OR2M4: variants seen among roughly 807,000 people sequenced by gnomAD.
OR2M4 encodes the protein olfactory receptor family 2 subfamily M member 4.
OR2M4 carries 8 observed loss-of-function variants against 13.7 expected under a neutral mutation model. The ratio of observed to expected loss-of-function variants is 0.58; its 90% CI spans 0.34 to 1.05. The LOEUF is 1.05. Ranked by LOEUF, OR2M4 falls within the 50% of genes least tolerant of loss-of-function variation. The probability of loss-of-function intolerance (pLI) is 0.02; values close to 1 mark genes in which losing one functional copy is unlikely to be tolerated. For missense variants in OR2M4, 374 were observed against 381.6 expected (o/e 0.98, Z 0.17); for synonymous variants, 152 against 141.3 (o/e 1.08, Z -0.53).
At chr1:248,236,850 T>G (rs886454652) in intron 1 of OR2M4, among the ~76,000 whole-genome samples, 1 of 152,060 alleles carries the variant, frequency 6.6e-6, no homozygotes, top group Admixed American at 6.6e-5. Flanking sequence ...TACTCCCTCC[T>G]AAGACTAAAT....
At chr1:248,236,579 G>C (rs1193613322) in intron 1 of OR2M4, among the ~76,000 whole-genome samples, 1 of 150,810 alleles carries the variant, frequency 6.6e-6, no homozygotes, top group Non-Finnish European at 1.5e-5. Flanking sequence ...CACTGAAGGA[G>C]ATAGAGACAC....
In OR2M4 at chr1:248,243,198, A is replaced by G. The variant is rs1011654560; in HGVS notation, c.*3334A>G. 6.6e-6 allele frequency: 1 copy of G among 152,214 alleles called. No individual in the cohort carries two copies. The highest frequency in any genetic ancestry group is 2.4e-5 in the African/African-American group (1 of 41,454). The allele number at this position is 152,214 out of a possible 1,614,324, so 9.4% of individuals were successfully genotyped here. A position where few individuals can be genotyped will look rare whatever the true frequency, so the allele number is the denominator to read the frequency against. On this transcript the variant is annotated 3_prime_UTR_variant, in exon 2 of 2. Coordinates refer to ENST00000641868, the MANE Select transcript of OR2M4 (RefSeq NM_017504.2). ...AAAAAGTTTATACATAAAATGTAAAATATATCGTTATTAATTTTTAAGGTT... is the reference window on the plus strand; with the variant it reads ...AAAAAGTTTATACATAAAATGTAAAGTATATCGTTATTAATTTTTAAGGTT...
In OR2M4 at chr1:248,239,750, G is replaced by T. The variant is rs1461317754; in HGVS notation, c.822G>T (p.Val274=). 5 of 1,613,906 alleles carry T rather than the reference G, an allele frequency of 3.1e-6. No homozygotes were observed. The highest frequency in any genetic ancestry group is 4.2e-6 in the Non-Finnish European group (5 of 1,180,000). ...SKHTPDQDKM[V]SAFYTILTPM... ...ATACGCCAGACCAGGACAAGATGGT[G>T]TCGGCCTTCTACACTATTCTCACCC... is the stretch of plus-strand genomic sequence containing the variant. The change falls in exon 2 of 2, where the codon GTG becomes GTT. Residue 274 remains valine, a synonymous_variant. Transcript: ENST00000641868.
At position 248,240,668 on chromosome 1, in the gene OR2M4, A is replaced by G. The variant is rs1156349667; in HGVS notation, c.*804A>G. The stretch of plus-strand genomic sequence containing the variant: ...CATACACGAACAACACATTCATGAG[A>G]GCCAAAAATCAGGTGAGCCTTCGTA... On this transcript the variant is annotated 3_prime_UTR_variant, in exon 2 of 2. Coordinates refer to ENST00000641868, the MANE Select transcript of OR2M4 (RefSeq NM_017504.2). 2 of 152,222 alleles carry G rather than the reference A, an allele frequency of 1.3e-5. No homozygotes were observed. Among genetic ancestry groups the G allele is most frequent in the African/African-American group, 4.8e-5 (2 of 41,458 alleles). The allele number at this position is 152,222 out of a possible 1,614,324, so 9.4% of individuals were successfully genotyped here. A position where few individuals can be genotyped will look rare whatever the true frequency, so the allele number is the denominator to read the frequency against.
In OR2M4 at chr1:248,242,748, C is replaced by T. The variant is rs1188999934; in HGVS notation, c.*2884C>T. The T allele has an allele frequency of 1.3e-5, 2 of 152,006 alleles. No individual in the cohort carries two copies. Among genetic ancestry groups the T allele is most frequent in the Non-Finnish European group, 2.9e-5 (2 of 68,000 alleles). The allele number at this position is 152,006 out of a possible 1,614,324, so 9.4% of individuals were successfully genotyped here. A position where few individuals can be genotyped will look rare whatever the true frequency, so the allele number is the denominator to read the frequency against. ...AAAAGAAAGACTTATCTGTGATCTA[C>T]TAAGAGAAGTATGAAAATTGAGCTT... On this transcript the variant is annotated 3_prime_UTR_variant, in exon 2 of 2. Transcript: ENST00000641868.
rs1205356932 is a variant in OR2M4 at position 248,239,952 on chromosome 1, G to A, written c.*88G>A. ...CTTAAATTATTCTATTTCTATTTCTGGTAATTTGTATTAATATTTTCCACT... is the reference window on the plus strand; with the variant it reads ...CTTAAATTATTCTATTTCTATTTCTAGTAATTTGTATTAATATTTTCCACT... On this transcript the variant is annotated 3_prime_UTR_variant, in exon 2 of 2. Coordinates refer to ENST00000641868, the MANE Select transcript of OR2M4 (RefSeq NM_017504.2). 5.1e-6 allele frequency: 4 copies of A among 784,360 alleles called. No homozygotes were observed. Among genetic ancestry groups the A allele is most frequent in the Non-Finnish European group, 5.9e-6 (3 of 507,254 alleles). 48.6% of individuals were successfully genotyped at this position (784,360 alleles called of 1,614,324 possible).
intron 1 of OR2M4, 105 bp from the exon 2 acceptor site, chr1:248,238,805 G>A (rs571209151): frequency 1.1e-5 from 7 of 644,590 alleles, no homozygotes; most frequent in African/African-American, 5.5e-5. Context: ...GAAGGTTGGT[G>A]AGAAGGCCTT....
rs1374991671 is a variant in OR2M4, at chr1:248,242,233, A to G, written c.*2369A>G. The G allele has an allele frequency of 6.6e-6, 1 of 152,212 alleles. No individual in the cohort carries two copies. Among genetic ancestry groups the G allele is most frequent in the Non-Finnish European group, 1.5e-5 (1 of 68,042 alleles). The allele number at this position is 152,212 out of a possible 1,614,324, so 9.4% of individuals were successfully genotyped here. On this transcript the variant is annotated 3_prime_UTR_variant, in exon 2 of 2. Transcript: ENST00000641868. Reference sequence around the variant, plus strand: ...ATTTAATGACATATCTTTGCCAGTCAGTGTTCACTGGTTGAGCCAGAAAGA... The same window carrying G: ...ATTTAATGACATATCTTTGCCAGTCGGTGTTCACTGGTTGAGCCAGAAAGA...
intron 1 of OR2M4, among the ~76,000 whole-genome samples, chr1:248,237,358 T>TA (rs1666568433): frequency 6.6e-6 from 1 of 152,064 alleles, no homozygotes; most frequent in Admixed American, 6.5e-5. Context: ...CGCTTCGTGT[T>TA]AAAAACTCTC....
chr1:248,232,668 G>T (rs1023483256), intron 1 of OR2M4, among the ~76,000 whole-genome samples: 2 of 151,980 alleles, frequency 1.3e-5, no homozygotes, highest in African/African-American at 4.8e-5. Context: ...AATAGTTCTA[G>T]CAATGTGAGG....
At chr1:248,234,402 G>T (rs1030066858) in intron 1 of OR2M4, among the ~76,000 whole-genome samples, 1 of 151,966 alleles carries the variant, frequency 6.6e-6, no homozygotes, top group African/African-American at 2.4e-5. Context: ...CGTCACCTAG[G>T]TATTAAGCCT....
intron 1 of OR2M4, among the ~76,000 whole-genome samples, chr1:248,231,860 GA>G (rs1558260050): frequency 6.6e-6 from 1 of 152,098 alleles, no homozygotes; most frequent in South Asian, 2.1e-4. Flanking sequence ...AGGAAAAGAA[GA>G]AAGAGAGACA....
At chr1:248,232,210 A>C (rs1414347603) in intron 1 of OR2M4, among the ~76,000 whole-genome samples, 1 of 152,216 alleles carries the variant, frequency 6.6e-6, no homozygotes, top group Non-Finnish European at 1.5e-5. Context: ...GTAAAGAAAA[A>C]TTTAATAAAA....
rs144279543 is a variant in OR2M4, at chr1:248,243,996, G to C, written c.*4132G>C. ...AATGCAAATCAAAACCTAAATGAGA[G>C]ACCATCTCACACCAGTCCCGTCAAA... On this transcript the variant is annotated 3_prime_UTR_variant, in exon 2 of 2. Coordinates refer to ENST00000641868, the MANE Select transcript of OR2M4 (RefSeq NM_017504.2). The C allele has an allele frequency of 1.9e-3, 288 of 152,164 alleles. 2 individuals carry two copies. The highest frequency in any genetic ancestry group is 6.6e-3 in the African/African-American group (276 of 41,520). The allele number at this position is 152,164 out of a possible 1,614,324, so 9.4% of individuals were successfully genotyped here. A position where few individuals can be genotyped will look rare whatever the true frequency, so the allele number is the denominator to read the frequency against.
At position 248,239,610 on chromosome 1, in the gene OR2M4, A is replaced by G. The variant is rs750009781; in HGVS notation, c.682A>G (p.Met228Val). The change falls in exon 2 of 2, where the codon ATG becomes GTG. Residue 228 changes from methionine (M) to valine (V), a missense_variant. By Grantham distance (21) the Met-to-Val change is conservative. Coordinates refer to ENST00000641868, the MANE Select transcript of OR2M4 (RefSeq NM_017504.2). ...YSHVLRAVIH[M>V]GSGESRRKAF... ...CCATGTCCTTCGAGCCGTCATCCAC[A>G]TGGGCTCTGGGGAAAGTCGTCGCAA... 1 of 1,614,100 alleles carries G rather than the reference A, an allele frequency of 6.2e-7. No homozygotes were observed. The highest frequency in any genetic ancestry group is 8.5e-7 in the Non-Finnish European group (1 of 1,180,014).
Position 248,239,383 on chromosome 1 carries a change from G to C in OR2M4, c.455G>C (p.Gly152Ala). Residue 152 changes from glycine to alanine, a missense_variant, in exon 2 of 2, where the codon GGG (glycine) becomes GCG (alanine). Coordinates refer to ENST00000641868, the MANE Select transcript of OR2M4 (RefSeq NM_017504.2). ...ATGACTGTTGCTTCCTGGACCTTGG[G>C]GTCTCTTGATGGGATCATAGTGCTT... ...VFMTVASWTL[G>A]SLDGIIVLAA... is the part of the protein sequence containing the mutation. The C allele has an allele frequency of 1.2e-6, 2 of 1,613,878 alleles. No homozygotes were observed. The highest frequency in any genetic ancestry group is 1.7e-6 in the Non-Finnish European group (2 of 1,179,966).
intron 1 of OR2M4, among the ~76,000 whole-genome samples, chr1:248,231,957 C>T (rs1457600659): frequency 1.3e-5 from 2 of 152,144 alleles, no homozygotes; most frequent in Non-Finnish European, 2.9e-5. Context: ...GGTGGATCTA[C>T]ACCTCAACAT....
At position 248,240,432 on chromosome 1, in the gene OR2M4, A is replaced by T. The variant is rs1343752095; in HGVS notation, c.*568A>T. The T allele has an allele frequency of 6.6e-6, 1 of 152,286 alleles. No homozygotes were observed. Among genetic ancestry groups the T allele is most frequent in the African/African-American group, 2.4e-5 (1 of 41,448 alleles). The allele number at this position is 152,286 out of a possible 1,614,324, so 9.4% of individuals were successfully genotyped here. A position where few individuals can be genotyped will look rare whatever the true frequency, so the allele number is the denominator to read the frequency against. On this transcript the variant is annotated 3_prime_UTR_variant, in exon 2 of 2. Coordinates refer to ENST00000641868, the MANE Select transcript of OR2M4 (RefSeq NM_017504.2). ...TAAACATACACACACTTAAGTATAT[A>T]TGTGTGTGATCTTTATGCTAATAAA...
At chr1:248,237,400 T>C (rs1376040635) in intron 1 of OR2M4, among the ~76,000 whole-genome samples, 1 of 152,132 alleles carries the variant, frequency 6.6e-6, no homozygotes, top group African/African-American at 2.4e-5. Context: ...ATGCGTGTAA[T>C]CCCAGCACTT....
Sources: gnomAD v4.1 joint callset for allele counts (sites outside exome capture counted in the v4.1 genomes callset) on GRCh38, gnomAD v4.1.1 for gene constraint, MANE v1.5 for transcripts, NCBI Gene and HGNC (gene_info 2026-07-23, HGNC 2026-07-21) for gene names.